The following NRXN1 variants were observed in gnomAD, a reference collection of about 807,000 sequenced individuals.
NRXN1 encodes the protein neurexin 1.
A neutral mutation model predicts 150.9 loss-of-function variants in NRXN1; 39 were observed. The observed-to-expected ratio is 0.26, with a 90% CI of 0.20 to 0.34. The LOEUF is 0.34. Among genes scored for constraint, NRXN1 ranks in the 10% least tolerant of loss-of-function variants. The pLI, the probability that NRXN1 is intolerant of heterozygous loss-of-function variation, is 1.00. For missense variants in NRXN1, 1,815 were observed against 1,949.9 expected (o/e 0.93, Z 1.30); for synonymous variants, 924 against 757.0 (o/e 1.22, Z -3.62).
intron 8 of NRXN1, among the ~76,000 whole-genome samples, chr2:50,598,635 T>C (rs940951908): frequency 7.0e-6 from 1 of 142,692 alleles, no homozygotes; most frequent in Non-Finnish European, 1.5e-5. Context: ...TATATATGTA[T>C]ATATGTGTGT....
chr2:50,882,905 A>G (rs1037063180), intron 5 of NRXN1, among the ~76,000 whole-genome samples: 2 of 151,888 alleles, frequency 1.3e-5, no homozygotes, highest in African/African-American at 4.8e-5. Context: ...TTTTATTATT[A>G]AAACATATTG....
Position 50,373,525 on chromosome 2 carries a change from A to T in NRXN1, c.3364+91917T>A, listed in dbSNP as rs182871729. 6.1e-3 allele frequency among the ~76,000 whole-genome samples: 924 copies of T among 150,742 alleles called. 3 individuals carry two copies. Among genetic ancestry groups the T allele is most frequent in the Non-Finnish European group, 0.011 (741 of 67,746 alleles). On this transcript the variant is annotated intron_variant, in intron 17 of 22. Coordinates refer to ENST00000401669, the MANE Select transcript of NRXN1 (RefSeq NM_001330078.2). Reference sequence around the variant, plus strand: ...TCAAATTTGCAAAGAAATCTCTCTTAAATTTCAAGGTCATATTGGGTGATT... The same window carrying T: ...TCAAATTTGCAAAGAAATCTCTCTTTAATTTCAAGGTCATATTGGGTGATT...
chr2:50,293,349 CT>C (rs1286723249), intron 17 of NRXN1, among the ~76,000 whole-genome samples: 1 of 152,134 alleles, frequency 6.6e-6, no homozygotes, highest in East Asian at 1.9e-4. Context: ...TATTCACATA[CT>C]TCTCTGAGGG....
intron 21 of NRXN1, among the ~76,000 whole-genome samples, chr2:49,998,839 T>G (rs1027292871): frequency 6.6e-6 from 1 of 152,056 alleles, no homozygotes; most frequent in Non-Finnish European, 1.5e-5. Context: ...GTTCATAAAT[T>G]TTTCTCTGTC....
At chr2:50,778,923 T>C (rs1324268831) in intron 5 of NRXN1, among the ~76,000 whole-genome samples, 1 of 152,170 alleles carries the variant, frequency 6.6e-6, no homozygotes, top group Non-Finnish European at 1.5e-5. Flanking sequence ...TAAATTAAAA[T>C]ATGCAAAACA....
At chr2:50,252,233 C>CTTTTTTTTTTTCTTTTTTT (rs2067173937) in intron 17 of NRXN1, among the ~76,000 whole-genome samples, 10 of 94,924 alleles carry the variant, frequency 1.1e-4, no homozygotes, top group Middle Eastern at 0.013. Context: ...ACATTTTGTC[C>CTTTTTTTTTTTCTTTTTTT]TTTTTTTTTT....
At chr2:50,457,825 T>C (rs911101888) in intron 17 of NRXN1, among the ~76,000 whole-genome samples, 7 of 151,896 alleles carry the variant, frequency 4.6e-5, no homozygotes, top group African/African-American at 1.7e-4. Context: ...AAAAAAGACA[T>C]AAAATAACAC....
At chr2:50,648,057 G>C (rs910337144) in intron 5 of NRXN1, among the ~76,000 whole-genome samples, 1 of 151,774 alleles carries the variant, frequency 6.6e-6, no homozygotes, top group Non-Finnish European at 1.5e-5. Flanking sequence ...CCAAGAAAAA[G>C]TTAATAATAT....
intron 18 of NRXN1, among the ~76,000 whole-genome samples, chr2:50,158,394 A>G (rs780590342): frequency 6.6e-6 from 1 of 151,548 alleles, no homozygotes; most frequent in African/African-American, 2.4e-5. Context: ...TAGACAGTAC[A>G]TTTTCTTACA....
At chr2:50,472,062 A>AAG (rs2089529040) in intron 16 of NRXN1, among the ~76,000 whole-genome samples, 1 of 151,526 alleles carries the variant, frequency 6.6e-6, no homozygotes, top group African/African-American at 2.4e-5. Flanking sequence ...AAACAGGCAA[A>AAG]AAAACCAAGA....
intron 2 of NRXN1, among the ~76,000 whole-genome samples, chr2:50,956,899 G>A (rs766384058): frequency 6.6e-6 from 1 of 152,086 alleles, no homozygotes; most frequent in South Asian, 2.1e-4. Context: ...GAAGCTCAAG[G>A]ATGGGAAGAT....
At chr2:50,312,732 C>T (rs747633497) in intron 17 of NRXN1, 1 of 516,436 alleles carries the variant, frequency 1.9e-6, no homozygotes, top group African/African-American at 1.9e-5. Context: ...AGATTTGTGT[C>T]ATAGGTAAGC....
chr2:50,839,891 G>C (rs1672631593), intron 5 of NRXN1, among the ~76,000 whole-genome samples: 1 of 152,100 alleles, frequency 6.6e-6, no homozygotes, highest in South Asian at 2.1e-4. Flanking sequence ...ATTTTAAGTA[G>C]GGTGGGAGGG....
chr2:50,711,407 C>T (rs1695136389), intron 5 of NRXN1, among the ~76,000 whole-genome samples: 1 of 145,932 alleles, frequency 6.9e-6, no homozygotes, highest in Admixed American at 7.1e-5. Flanking sequence ...ACAATCTTGG[C>T]TCACTGCAAC....
chr2:50,373,490 T>G (rs1437111019), intron 17 of NRXN1, among the ~76,000 whole-genome samples: 1 of 149,496 alleles, frequency 6.7e-6, no homozygotes, highest in Admixed American at 6.7e-5. Flanking sequence ...AGAACAAGAG[T>G]GACAAAAATT....
intron 5 of NRXN1, among the ~76,000 whole-genome samples, chr2:50,674,479 A>G (rs1020234284): frequency 6.6e-5 from 10 of 152,118 alleles, no homozygotes; most frequent in African/African-American, 2.4e-4. Context: ...CAGGAATAGC[A>G]TAATCTCATT....
intron 5 of NRXN1, among the ~76,000 whole-genome samples, chr2:50,805,160 A>G (rs1667347888): frequency 6.6e-6 from 1 of 152,182 alleles, no homozygotes; most frequent in East Asian, 1.9e-4. Context: ...CTTTCATTGA[A>G]TTAAAAATGT....
At chr2:50,758,281 A>T (rs184061204) in intron 5 of NRXN1, 7 of 151,928 alleles carry the variant, frequency 4.6e-5, no homozygotes, top group African/African-American at 1.7e-4. Flanking sequence ...TGTAATTATA[A>T]TGCTTAGAAA....
At chr2:50,883,820 G>T (rs1382596115) in intron 5 of NRXN1, among the ~76,000 whole-genome samples, 1 of 151,744 alleles carries the variant, frequency 6.6e-6, no homozygotes, top group Admixed American at 6.6e-5. Flanking sequence ...TGACACAGAA[G>T]CCTACAAACT....
Sources: allele counts gnomAD v4.1 joint callset (sites outside exome capture counted in the v4.1 genomes callset), GRCh38; gene constraint gnomAD v4.1.1; transcripts MANE v1.5; gene names NCBI Gene and HGNC (gene_info 2026-07-23, HGNC 2026-07-21).